Variants in VWA8 observed in about 807,000 individuals in gnomAD.
The protein encoded by VWA8 is von Willebrand factor A domain containing 8.
VWA8 carries 221 observed loss-of-function variants against 241.5 expected under a neutral mutation model. That is an observed-to-expected ratio of 0.91 (90% CI 0.82 to 1.02). VWA8 has a LOEUF of 1.02. VWA8 is among the 50% of genes least tolerant of loss of function. The probability of loss-of-function intolerance (pLI) is 0.00; values close to 1 mark genes in which losing one functional copy is unlikely to be tolerated. For missense variants in VWA8, 2,322 were observed against 2,328.7 expected (o/e 1.00, Z 0.06); for synonymous variants, 852 against 827.1 (o/e 1.03, Z -0.52).
intron 1 of VWA8, among the ~76,000 whole-genome samples, chr13:41,951,986 CA>C (rs1337492464): frequency 6.6e-6 from 1 of 152,144 alleles, no homozygotes; most frequent in African/African-American, 2.4e-5. Flanking sequence ...AAAAGCAAGG[CA>C]AAAGATGATG....
chr13:41,660,106 G>T (rs1377726972), intron 37 of VWA8, among the ~76,000 whole-genome samples: 1 of 151,964 alleles, frequency 6.6e-6, no homozygotes, highest in African/African-American at 2.4e-5. Flanking sequence ...TGGAACTGAT[G>T]ATCACTCTTT....
intron 20 of VWA8, among the ~76,000 whole-genome samples, chr13:41,764,358 T>G (rs1204327392): frequency 6.6e-6 from 1 of 152,086 alleles, no homozygotes; most frequent in Non-Finnish European, 1.5e-5. Flanking sequence ...CTCTCTCACT[T>G]CCTTGCCTAA....
intron 12 of VWA8, among the ~76,000 whole-genome samples, chr13:41,854,189 A>T (rs538340301): frequency 6.6e-6 from 1 of 152,308 alleles, no homozygotes; most frequent in East Asian, 1.9e-4. Flanking sequence ...GGAAAAGAAT[A>T]TGAGTTCTAG....
At chr13:41,631,257 C>T (rs1444919464) in intron 37 of VWA8, among the ~76,000 whole-genome samples, 4 of 152,000 alleles carry the variant, frequency 2.6e-5, no homozygotes, top group African/African-American at 7.3e-5. Context: ...TGGGCTCAAG[C>T]GATCCTCCCA....
At chr13:41,956,953 C>T (rs2138173928) in intron 1 of VWA8, among the ~76,000 whole-genome samples, 1 of 152,234 alleles carries the variant, frequency 6.6e-6, no homozygotes, top group African/African-American at 2.4e-5. Flanking sequence ...TATAAATATA[C>T]ATATCATCCA....
At chr13:41,749,289 G>A (rs1593742674) in intron 21 of VWA8, among the ~76,000 whole-genome samples, 1 of 152,304 alleles carries the variant, frequency 6.6e-6, no homozygotes, top group African/African-American at 2.4e-5. Context: ...GAAATGCAAA[G>A]CAAAAACCAC....
chr13:41,686,916 T>A (rs2045140075), intron 34 of VWA8, among the ~76,000 whole-genome samples: 1 of 152,120 alleles, frequency 6.6e-6, no homozygotes, highest in South Asian at 2.1e-4. Flanking sequence ...GCCATCTTCA[T>A]CCTGTTTGGG....
At chr13:41,907,016 T>C (rs1593860515) in intron 4 of VWA8, among the ~76,000 whole-genome samples, 1 of 152,184 alleles carries the variant, frequency 6.6e-6, no homozygotes, top group East Asian at 1.9e-4. Flanking sequence ...ATTTATAGGC[T>C]CTATCCTTTT....
chr13:41,676,312 G>A (rs770405715), intron 35 of VWA8, among the ~76,000 whole-genome samples: 12 of 152,050 alleles, frequency 7.9e-5, no homozygotes, highest in Non-Finnish European at 1.6e-4. Context: ...TGAGTCTGAG[G>A]GAACCAGGTG....
chr13:41,727,234 A>T lies in VWA8; in HGVS notation c.2718T>A (p.Pro906=). The T allele has an allele frequency of 6.5e-7, 1 of 1,550,042 alleles. No individual in the cohort carries two copies. Among genetic ancestry groups the T allele is most frequent in the Non-Finnish European group, 8.7e-7 (1 of 1,146,780 alleles). Residue 906 remains proline (P), a synonymous_variant, in exon 24 of 45, where the codon CCT becomes CCA. Coordinates refer to ENST00000379310, the MANE Select transcript of VWA8 (RefSeq NM_015058.2). ...AATCATTGCCTAGGAAAGGAAATCCAGGTCTATTTGCCAGAACAATCATCC... is the reference window on the plus strand; with the variant it reads ...AATCATTGCCTAGGAAAGGAAATCCTGGTCTATTTGCCAGAACAATCATCC... ...DFRMIVLANR[P]GFPFLGNDFF...
At position 41,881,019 on chromosome 13, in the gene VWA8, T is replaced by C. The variant is rs986464088; in HGVS notation, c.1080+2368A>G. ...ATGTAATTCCTTCTAGATTCACAAG[T>C]AGGCATTTTACACTTTAAAAGAGAA... On this transcript the variant is annotated intron_variant, in intron 9 of 44. Coordinates refer to ENST00000379310, the MANE Select transcript of VWA8 (RefSeq NM_015058.2). Among the ~76,000 whole-genome samples, 4 of 152,176 alleles carry C rather than the reference T, an allele frequency of 2.6e-5. 1 individual carries two copies. Among genetic ancestry groups the C allele is most frequent in the Non-Finnish European group, 4.4e-5 (3 of 68,024 alleles).
chr13:41,691,922 C>T lies in VWA8; in HGVS notation c.3692G>A (p.Cys1231Tyr). Residue 1231 changes from cysteine (C) to tyrosine (Y), a missense_variant, in exon 31 of 45, where the codon TGT becomes TAT. Transcript: ENST00000379310. ...NKEEAETYKM[C>Y]KEFSHKNWLV... ...CCAGTTTTTGTGTGAAAATTCTTTACACATTTTATAAGTTTCCTAAAGACA... is the reference window on the plus strand; with the variant it reads ...CCAGTTTTTGTGTGAAAATTCTTTATACATTTTATAAGTTTCCTAAAGACA... 1 of 1,609,294 alleles carries T rather than the reference C, an allele frequency of 6.2e-7. No individual in the cohort carries two copies. Among genetic ancestry groups the T allele is most frequent in the Admixed American group, 1.7e-5 (1 of 59,900 alleles).
chr13:41,593,083 C>G (rs1021032011), intron 40 of VWA8, among the ~76,000 whole-genome samples: 2 of 152,168 alleles, frequency 1.3e-5, no homozygotes, highest in Non-Finnish European at 1.5e-5. Flanking sequence ...AAATACAAAG[C>G]CACTAAGCCT....
intron 9 of VWA8, among the ~76,000 whole-genome samples, chr13:41,869,101 C>G (rs1191096554): frequency 6.6e-6 from 1 of 152,036 alleles, no homozygotes; most frequent in Non-Finnish European, 1.5e-5. Flanking sequence ...CAATCAACTT[C>G]CTAGAAGGAG....
intron 37 of VWA8, among the ~76,000 whole-genome samples, chr13:41,624,800 C>A (rs1050308691): frequency 2.0e-5 from 3 of 152,024 alleles, no homozygotes; most frequent in Admixed American, 1.3e-4. Context: ...CCATTCCACG[C>A]GGCACTGGAA....
At chr13:41,863,419 G>GAATATA (rs1236626675) in intron 12 of VWA8, among the ~76,000 whole-genome samples, 1 of 70,074 alleles carries the variant, frequency 1.4e-5, no homozygotes, top group Non-Finnish European at 3.0e-5. Flanking sequence ...GTGTGTGTGT[G>GAATATA]TGTGTGTGTG....
At chr13:41,573,506 T>TATATATATATATATATATATAC (rs1439940851) in intron 43 of VWA8, among the ~76,000 whole-genome samples, 1 of 141,646 alleles carries the variant, frequency 7.1e-6, no homozygotes, top group Non-Finnish European at 1.5e-5. Context: ...TATATATATA[T>TATATATATATATATATATATAC]ACCTCTCTCT....
intron 5 of VWA8, among the ~76,000 whole-genome samples, chr13:41,888,843 T>A (rs1254297264): frequency 6.6e-6 from 1 of 152,196 alleles, no homozygotes; most frequent in African/African-American, 2.4e-5. Context: ...TCAATCATAT[T>A]TTGGTATGAA....
intron 4 of VWA8, among the ~76,000 whole-genome samples, chr13:41,892,898 A>AG (rs1164501925): frequency 1.3e-5 from 2 of 152,198 alleles, no homozygotes; most frequent in African/African-American, 4.8e-5. Context: ...TTGGCATATT[A>AG]GCCTATCACA....
Sources: gnomAD v4.1 joint callset for allele counts (sites outside exome capture counted in the v4.1 genomes callset) on GRCh38, gnomAD v4.1.1 for gene constraint, MANE v1.5 for transcripts, NCBI Gene and HGNC (gene_info 2026-07-23, HGNC 2026-07-21) for gene names.